GRPEL1: variants seen among roughly 807,000 people sequenced by gnomAD.
The protein encoded by GRPEL1 is grpE protein homolog 1, mitochondrial.
Under a neutral mutation model 22.1 loss-of-function variants are expected in GRPEL1, and 13 were observed. The ratio of observed to expected loss-of-function variants is 0.59; its 90% CI spans 0.38 to 0.94. The LOEUF (loss-of-function observed/expected upper bound fraction) is 0.94, where lower values mean the gene tolerates loss of function less well. Ranked by LOEUF, GRPEL1 falls within the 40% of genes least tolerant of loss-of-function variation. GRPEL1 has a pLI of 0.00. For synonymous variants in GRPEL1, 109 were observed against 105.3 expected (o/e 1.03, Z -0.21); for missense variants, 289 against 264.6 (o/e 1.09, Z -0.64).
rs958605653 is a variant in GRPEL1 at position 7,064,296 on chromosome 4, G to A, written c.63-73C>T. 8 of 1,468,744 alleles carry A rather than the reference G, an allele frequency of 5.4e-6. No homozygotes were observed. In the Admixed American group the frequency reaches 6.7e-5, roughly 12 times the overall value. The allele number at this position is 1,468,744 out of a possible 1,614,324, so 91.0% of individuals were successfully genotyped here. A position where few individuals can be genotyped will look rare whatever the true frequency, so the allele number is the denominator to read the frequency against. On this transcript the variant is annotated intron_variant, in intron 1 of 3. Coordinates refer to ENST00000264954, the MANE Select transcript of GRPEL1 (RefSeq NM_025196.4). ...TATTAAAGTCAGATGTATGACTTTA[G>A]AAACTTAAAATAGCTTCAAACTATT...
At chr4:7,064,380 AC>A (rs201458230) in intron 1 of GRPEL1, 157 bp from the exon 2 acceptor site, 16,242 of 640,730 alleles carry the variant, frequency 0.025, 314 homozygotes, top group Non-Finnish European at 0.028. Flanking sequence ...ACTGTACGTG[AC>A]ATATAGAAGC....
At chr4:7,067,826 G>A in intron 1 of GRPEL1, 145 bp downstream of exon 1, 2 of 814,392 alleles carry the variant, frequency 2.5e-6, no homozygotes, top group South Asian at 1.7e-5. Flanking sequence ...GGGGCGGTCC[G>A]CGTCCCGCGG....
At position 7,060,926 on chromosome 4, in the gene GRPEL1, A is replaced by G. The variant is rs764944795; in HGVS notation, c.590T>C (p.Val197Ala). 9.3e-6 allele frequency: 15 copies of G among 1,614,004 alleles called. No individual in the cohort carries two copies. The highest frequency in any genetic ancestry group is 1.2e-5 in the Non-Finnish European group (14 of 1,180,028). ...EPGTVALVSK[V>A]GYKLHGRTLR... is the part of the protein sequence containing the mutation. Reference sequence around the variant, plus strand: ...AGTGCGCCCATGCAGCTTGTACCCCACTTTGCTAACTAGGGCCACTGTGCC... The same window carrying G: ...AGTGCGCCCATGCAGCTTGTACCCCGCTTTGCTAACTAGGGCCACTGTGCC... The change falls in exon 4 of 4, where the codon GTG (valine) becomes GCG (alanine). Residue 197 changes from valine to alanine, a missense_variant. Coordinates refer to ENST00000264954, the MANE Select transcript of GRPEL1 (RefSeq NM_025196.4).
chr4:7,064,443 A>C (rs1724114825), intron 1 of GRPEL1: 2 of 391,478 alleles, frequency 5.1e-6, no homozygotes, highest in Non-Finnish European at 9.0e-6. Context: ...CCTTTATTAG[A>C]TCTAAGATAA....
At chr4:7,063,049 A>C (rs1040372594) in intron 2 of GRPEL1, among the ~76,000 whole-genome samples, 1 of 151,040 alleles carries the variant, frequency 6.6e-6, no homozygotes, top group African/African-American at 2.4e-5. Flanking sequence ...GAGTTCTAGT[A>C]TATTCCTCAT....
intron 2 of GRPEL1, 51 bp from the exon 3 acceptor site, chr4:7,062,517 T>TATATATC: frequency 2.1e-6 from 1 of 480,600 alleles, no homozygotes; most frequent in Non-Finnish European, 2.9e-6. Flanking sequence ...TATATATATC[T>TATATATC]TTTTTTTTGA....
rs755646640 is a variant in GRPEL1 at position 7,061,010 on chromosome 4, T to A, written c.506A>T (p.Lys169Met). Residue 169 changes from lysine to methionine, a missense_variant, in exon 4 of 4, where the codon AAG becomes ATG. Lys to Met is a moderately conservative substitution (Grantham distance 95). Coordinates refer to ENST00000264954, the MANE Select transcript of GRPEL1 (RefSeq NM_025196.4). ...GLLKLNPVGA[K>M]FDPYEHEALF... ...GGCCTCATGTTCATAAGGGTCGAAC[T>A]TGGCTCCGACAGGGTTCAACTTGAG... 1.1e-5 allele frequency: 17 copies of A among 1,614,098 alleles called. 1 individual carries two copies. The African/African-American group carries it at 1.6e-4, about 15-fold the overall frequency.
At position 7,059,377 on chromosome 4, in the gene GRPEL1, T is replaced by C. The variant is rs1374519851; in HGVS notation, c.*1485A>G. ...GACTGCAAACATTCACAGAAATGAG[T>C]TGATAAATTACTTTTCTTAGCCTCC... On this transcript the variant is annotated 3_prime_UTR_variant, in exon 4 of 4. Transcript: ENST00000264954. 6.6e-6 allele frequency: 1 copy of C among 152,162 alleles called. No homozygotes were observed. Among genetic ancestry groups the C allele is most frequent in the Non-Finnish European group, 1.5e-5 (1 of 68,030 alleles). The allele number at this position is 152,162 out of a possible 1,614,324, so 9.4% of individuals were successfully genotyped here.
intron 2 of GRPEL1, 149 bp downstream of exon 2, chr4:7,063,912 G>T: frequency 1.2e-6 from 1 of 822,102 alleles, no homozygotes. Flanking sequence ...TGCTTTGGCA[G>T]TAACTTGCCA....
In GRPEL1 at chr4:7,060,880, C is replaced by T. The variant is rs746280772; in HGVS notation, c.636G>A (p.Gly212=). The change falls in exon 4 of 4, where the codon GGG becomes GGA. Residue 212 remains glycine (G), a synonymous_variant. Transcript: ENST00000264954. Reference sequence around the variant, plus strand: ...ACAGCAGCTAAGCTTCCTTCACCACCCCCACCAGGGCGGGTCTCAGAGTGC... The same window carrying T: ...ACAGCAGCTAAGCTTCCTTCACCACTCCCACCAGGGCGGGTCTCAGAGTGC... ...HGRTLRPALV[G]VVKEA 42 of 1,612,034 alleles carry T rather than the reference C, an allele frequency of 2.6e-5. 1 individual carries two copies. The Middle Eastern group carries it at 4.8e-3, about 183-fold the overall frequency.
chr4:7,062,117 A>G (rs1724054204), intron 3 of GRPEL1: 1 of 247,424 alleles, frequency 4.0e-6, no homozygotes, highest in Non-Finnish European at 7.7e-6. Flanking sequence ...TGGGCATCAG[A>G]GGCTGACCTG....
At chr4:7,062,498 A>G (rs781169904) in intron 2 of GRPEL1, 32 bp from the exon 3 acceptor site, 797 of 46,430 alleles carry the variant, frequency 0.017, 36 homozygotes, top group African/African-American at 0.06. Flanking sequence ...ATTTATATAT[A>G]TATATATATA....
chr4:7,066,540 G>T (rs1285240385), intron 1 of GRPEL1, among the ~76,000 whole-genome samples: 1 of 152,218 alleles, frequency 6.6e-6, no homozygotes, highest in Non-Finnish European at 1.5e-5. Context: ...TGGGGGTGGA[G>T]AGCGATGACC....
At position 7,064,091 on chromosome 4, in the gene GRPEL1, G is replaced by T. The variant is rs927168309; in HGVS notation, c.195C>A (p.Val65=). The change falls in exon 2 of 4, where the codon GTC becomes GTA. Residue 65 remains valine (V), a synonymous_variant. Transcript: ENST00000264954. ...TCTCCTTCAGCTGTTCCTCCAACTTGACCTTCTCTTCCAGGAGGGTCTTCT... is the reference window on the plus strand; with the variant it reads ...TCTCCTTCAGCTGTTCCTCCAACTTTACCTTCTCTTCCAGGAGGGTCTTCT... ...ATEKTLLEEK[V]KLEEQLKETV... 2 of 1,614,142 alleles carry T rather than the reference G, an allele frequency of 1.2e-6. No homozygotes were observed. The highest frequency in any genetic ancestry group is 1.7e-6 in the Non-Finnish European group (2 of 1,180,002).
At position 7,060,972 on chromosome 4, in the gene GRPEL1, G is replaced by C. The variant is rs1724028201; in HGVS notation, c.544C>G (p.Pro182Ala). The C allele has an allele frequency of 6.2e-7, 1 of 1,614,176 alleles. No individual in the cohort carries two copies. The highest frequency in any genetic ancestry group is 2.2e-5 in the East Asian group (1 of 44,876). The change falls in exon 4 of 4, where the codon CCG becomes GCG. Residue 182 changes from proline (P) to alanine (A), a missense_variant. Pro to Ala is a conservative substitution (Grantham distance 27, BLOSUM62 -1). Transcript: ENST00000264954. ...GTGCCTGGCTCCTTCCCCTCAACCG[G>C]TGTGTGGAACAAGGCCTCATGTTCA... ...PYEHEALFHTPVEGKEPGTVA... is the reference protein window; with the variant it reads ...PYEHEALFHTAVEGKEPGTVA...
In GRPEL1 at chr4:7,067,955, A is replaced by G. The variant is rs187947258; in HGVS notation, c.62+16T>C. ...CGCGCTGCCACCTCCACCCAGGGAG[A>G]CCAAGTGCCCCTTACCTGAGAGACA... On this transcript the variant is annotated intron_variant, in intron 1 of 3. Transcript: ENST00000264954. The G allele has an allele frequency of 9.3e-6, 15 of 1,612,970 alleles. No individual in the cohort carries two copies. Among genetic ancestry groups the G allele is most frequent in the South Asian group, 5.5e-5 (5 of 91,030 alleles).
In GRPEL1 at chr4:7,060,370, T is replaced by A. The variant is rs1324383294; in HGVS notation, c.*492A>T. The A allele has an allele frequency of 6.4e-6, 1 of 156,962 alleles. No individual in the cohort carries two copies. Among genetic ancestry groups the A allele is most frequent in the East Asian group, 1.9e-4 (1 of 5,280 alleles). 9.7% of individuals were successfully genotyped at this position (156,962 alleles called of 1,614,324 possible). ...TGACTGAAGACAAACGAACTCACTA[T>A]GTTCTTCACAAAGATCATTTTTTTT... On this transcript the variant is annotated 3_prime_UTR_variant, in exon 4 of 4. Coordinates refer to ENST00000264954, the MANE Select transcript of GRPEL1 (RefSeq NM_025196.4).
chr4:7,063,214 TG>T (rs1166982027), intron 2 of GRPEL1, among the ~76,000 whole-genome samples: 1 of 151,666 alleles, frequency 6.6e-6, no homozygotes, highest in Non-Finnish European at 1.5e-5. Context: ...CTCAGCCTCC[TG>T]GGTTGCTGGG....
rs1229467047 is a variant in GRPEL1, at chr4:7,060,412, T to G, written c.*450A>C. The G allele has an allele frequency of 6.3e-6, 1 of 158,072 alleles. No homozygotes were observed. Among genetic ancestry groups the G allele is most frequent in the Non-Finnish European group, 1.4e-5 (1 of 71,770 alleles). 9.8% of individuals were successfully genotyped at this position (158,072 alleles called of 1,614,324 possible). A position where few individuals can be genotyped will look rare whatever the true frequency, so the allele number is the denominator to read the frequency against. On this transcript the variant is annotated 3_prime_UTR_variant, in exon 4 of 4. Coordinates refer to ENST00000264954, the MANE Select transcript of GRPEL1 (RefSeq NM_025196.4). ...ATTTTTTTTAAGTAAGAAAAATGTTTCAACTCTCTTGCCTTTCCTTCAGCG... is the reference window on the plus strand; with the variant it reads ...ATTTTTTTTAAGTAAGAAAAATGTTGCAACTCTCTTGCCTTTCCTTCAGCG...
Sources: gnomAD v4.1 joint callset for allele counts (sites outside exome capture counted in the v4.1 genomes callset) on GRCh38, gnomAD v4.1.1 for gene constraint, MANE v1.5 for transcripts, NCBI Gene and HGNC (gene_info 2026-07-23, HGNC 2026-07-21) for gene names.